NLRP3: variants seen among roughly 807,000 people sequenced by gnomAD.
The protein encoded by NLRP3 is NLR family pyrin domain containing 3.
Under a neutral mutation model 91.3 loss-of-function variants are expected in NLRP3, and 48 were observed. The observed-to-expected ratio is 0.53, with a 90% CI of 0.42 to 0.67. NLRP3 has a LOEUF of 0.67. NLRP3 is among the 30% of genes least tolerant of loss of function. The pLI is 0.00. For synonymous variants in NLRP3, 561 were observed against 507.9 expected (o/e 1.10, Z -1.41); for missense variants, 982 against 1,276.9 (o/e 0.77, Z 3.52).
At chr1:247,440,162 A>G (rs1309276177) in intron 7 of NLRP3, among the ~76,000 whole-genome samples, 1 of 151,946 alleles carries the variant, frequency 6.6e-6, no homozygotes, top group Non-Finnish European at 1.5e-5. Flanking sequence ...TTTTCTCTCG[A>G]ACTTTGGGTC....
intron 5 of NLRP3, among the ~76,000 whole-genome samples, chr1:247,430,237 C>G (rs1484716047): frequency 6.6e-6 from 1 of 152,190 alleles, no homozygotes; most frequent in Admixed American, 6.5e-5. Context: ...AACAAAAATT[C>G]ATTTTCTTGC....
intron 2 of NLRP3, among the ~76,000 whole-genome samples, chr1:247,419,401 C>T (rs1008674806): frequency 3.9e-5 from 6 of 151,964 alleles, no homozygotes; most frequent in Admixed American, 2.6e-4. Flanking sequence ...GTGATCCACC[C>T]GCCTCGGCCT....
At chr1:247,420,853 C>G (rs972677881) in intron 2 of NLRP3, among the ~76,000 whole-genome samples, 2 of 152,184 alleles carry the variant, frequency 1.3e-5, no homozygotes, top group African/African-American at 4.8e-5. Flanking sequence ...GTACCTACCC[C>G]CTGGGCACCT....
chr1:247,444,746 AT>A lies in NLRP3; in HGVS notation c.2931del (p.Asn977LysfsTer9), dbSNP rs751288681. On this transcript the variant is annotated frameshift_variant, in exon 9 of 10. Transcript: ENST00000336119. LOFTEE classifies it high-confidence loss of function. ...CTGCGAAAGCTGAGCCTGGGCAACA[AT>A]GACCTGGGCGACCTGGGGGTCATGA... ...QSLRKLSLGN[N>X]DLGDLGVMMF... 12 of 1,614,140 alleles carry A rather than the reference AT, an allele frequency of 7.4e-6. No individual in the cohort carries two copies. The highest frequency in any genetic ancestry group is 1.0e-5 in the Non-Finnish European group (12 of 1,180,026).
intron 7 of NLRP3, among the ~76,000 whole-genome samples, chr1:247,442,095 C>T (rs1457186960): frequency 6.6e-6 from 1 of 152,176 alleles, no homozygotes; most frequent in Non-Finnish European, 1.5e-5. Flanking sequence ...TAGTAGAAGC[C>T]ACTCAAAACT....
Position 247,424,214 on chromosome 1 carries a change from C to T in NLRP3, c.765C>T (p.Phe255=), listed in dbSNP as rs753671377. 4 of 1,614,080 alleles carry T rather than the reference C, an allele frequency of 2.5e-6. No individual in the cohort carries two copies. The East Asian group carries it at 8.9e-5, about 36-fold the overall frequency. Residue 255 remains phenylalanine, a synonymous_variant, in exon 4 of 10, where the codon TTC becomes TTT. Transcript: ENST00000336119. The surrounding 1 kb of genome is among the most constrained non-coding windows in gnomAD (Gnocchi z 8.1). Reference sequence around the variant, plus strand: ...ACCAAGACAGGTTTGACTATCTGTTCTATATCCACTGTCGAGAGGTGAGCC... The same window carrying T: ...ACCAAGACAGGTTTGACTATCTGTTTTATATCCACTGTCGAGAGGTGAGCC... ...TLYQDRFDYL[F]YIHCREVSLV...
At chr1:247,441,972 A>C (rs1306726715) in intron 7 of NLRP3, among the ~76,000 whole-genome samples, 1 of 152,234 alleles carries the variant, frequency 6.6e-6, no homozygotes, top group African/African-American at 2.4e-5. Flanking sequence ...CTCTTTGAAG[A>C]CCATCCCCAT....
Position 247,419,045 on chromosome 1 carries a change from A to G in NLRP3, c.245A>G (p.Tyr82Cys), listed in dbSNP as rs780791430. ...IFAAINRRDLYEKAKRDEPKW... is the reference protein window; with the variant it reads ...IFAAINRRDLCEKAKRDEPKW... ...GCTGCGATCAACAGGAGAGACCTTTATGAGAAAGCAAAAAGAGATGAGCCG... is the reference window on the plus strand; with the variant it reads ...GCTGCGATCAACAGGAGAGACCTTTGTGAGAAAGCAAAAAGAGATGAGCCG... Residue 82 changes from tyrosine to cysteine, a missense_variant, in exon 2 of 10, where the codon TAT becomes TGT. Tyr to Cys is a radical substitution (Grantham distance 194). Transcript: ENST00000336119. 6.2e-7 allele frequency: 1 copy of G among 1,612,898 alleles called. No individual in the cohort carries two copies. The highest frequency in any genetic ancestry group is 1.1e-5 in the South Asian group (1 of 91,078).
At chr1:247,428,348 T>C (rs1663058007) in intron 4 of NLRP3, among the ~76,000 whole-genome samples, 1 of 152,268 alleles carries the variant, frequency 6.6e-6, no homozygotes, top group Admixed American at 6.5e-5. Flanking sequence ...GCTTGCTTTG[T>C]ATGTTCCAGT....
chr1:247,441,127 TTC>T lies in NLRP3; in HGVS notation c.2664-2841_2664-2840del, dbSNP rs1212588479. On this transcript the variant is annotated intron_variant, in intron 7 of 9. Coordinates refer to ENST00000336119, the MANE Select transcript of NLRP3 (RefSeq NM_001243133.2). The stretch of plus-strand genomic sequence containing the variant: ...CTCCTTTCTTTCTCTCTTTTTCTTT[TTC>T]TCTTTCTTTCTTTCTTTCTCTCTCT... 2.4e-4 allele frequency among the ~76,000 whole-genome samples: 30 copies of T among 127,184 alleles called. No homozygotes were observed. In the East Asian group the frequency reaches 2.7e-3, roughly 11 times the overall value. 83.4% of individuals were successfully genotyped at this position (127,184 alleles called of 152,430 possible).
intron 8 of NLRP3, 85 bp downstream of exon 8, chr1:247,444,227 T>C (rs1341352310): frequency 7.4e-7 from 1 of 1,360,230 alleles, no homozygotes; most frequent in Non-Finnish European, 1.1e-6. Flanking sequence ...CACAAGATAA[T>C]CTGTATCTTA....
chr1:247,423,698 T>C, intron 3 of NLRP3, 149 bp from the exon 4 acceptor site: 1 of 772,810 alleles, frequency 1.3e-6, no homozygotes, highest in South Asian at 1.5e-5. Context: ...CCAGAGATTC[T>C]CGGCACCTTT....
At position 247,436,151 on chromosome 1, in the gene NLRP3, A is replaced by C. The variant is rs1326996477; in HGVS notation, c.2663+11A>C. On this transcript the variant is annotated intron_variant, in intron 7 of 9. Transcript: ENST00000336119. Reference sequence around the variant, plus strand: ...CCTGCAGAAACTGGGGTAAGTCTTCATGGGTGTCTTACCAGAAAAGTAACT... The same window carrying C: ...CCTGCAGAAACTGGGGTAAGTCTTCCTGGGTGTCTTACCAGAAAAGTAACT... 2.5e-6 allele frequency: 4 copies of C among 1,613,840 alleles called. No homozygotes were observed. The highest frequency in any genetic ancestry group is 2.2e-5 in the South Asian group (2 of 91,064).
intron 9 of NLRP3, among the ~76,000 whole-genome samples, chr1:247,447,763 T>A (rs954180836): frequency 3.2e-4 from 49 of 152,340 alleles, no homozygotes; most frequent in African/African-American, 1.2e-3. Context: ...AGTGACATTG[T>A]AATTATATTT....
At position 247,424,413 on chromosome 1, in the gene NLRP3, A is replaced by G. The variant is rs1662708025; in HGVS notation, c.964A>G (p.Lys322Glu). The G allele has an allele frequency of 3.1e-6, 5 of 1,614,180 alleles. No homozygotes were observed. The East Asian group carries it at 1.1e-4, about 36-fold the overall frequency. Residue 322 changes from lysine (K) to glutamate (E), a missense_variant, in exon 4 of 10, where the codon AAG (lysine) becomes GAG (glutamate). By Grantham distance (56) the Lys-to-Glu change is moderately conservative. Transcript: ENST00000336119. The surrounding 1 kb of genome is among the most constrained non-coding windows in gnomAD (Gnocchi z 8.1). The stretch of plus-strand genomic sequence containing the variant: ...AGGACCGCTCTGCACTGACTGGCAG[A>G]AGGCCGAGCGGGGAGACATTCTCCT... ...HIGPLCTDWQ[K>E]AERGDILLSS...
At chr1:247,430,062 G>T (rs1663195906) in intron 5 of NLRP3, among the ~76,000 whole-genome samples, 1 of 151,986 alleles carries the variant, frequency 6.6e-6, no homozygotes, top group Admixed American at 6.6e-5. Context: ...TTTTAGTAGA[G>T]ATGGGGTTTC....
chr1:247,440,794 C>T (rs1041128776), intron 7 of NLRP3, among the ~76,000 whole-genome samples: 7 of 152,134 alleles, frequency 4.6e-5, no homozygotes, highest in Admixed American at 2.6e-4. Flanking sequence ...AGTTTTGAAA[C>T]ATCTTGGTGG....
intron 3 of NLRP3, 48 bp from the exon 4 acceptor site, chr1:247,423,799 A>G (rs751898622): frequency 2.6e-6 from 4 of 1,546,960 alleles, no homozygotes; most frequent in South Asian, 2.3e-5. Context: ...AGCGCATCTC[A>G]GGTGGATGTG....
chr1:247,424,515 C>A lies in NLRP3; in HGVS notation c.1066C>A (p.Leu356Met). Residue 356 changes from leucine (L) to methionine (M), a missense_variant, in exon 4 of 10, where the codon CTG becomes ATG. Leu to Met is a conservative substitution (Grantham distance 15). Coordinates refer to ENST00000336119, the MANE Select transcript of NLRP3 (RefSeq NM_001243133.2). The surrounding 1 kb of genome is among the most constrained non-coding windows in gnomAD (Gnocchi z 8.1). ...CACGAGACCTGTGGCCCTGGAGAAA[C>A]TGCAGCACTTGCTGGACCATCCTCG... ...ITTRPVALEK[L>M]QHLLDHPRHV... 6.2e-7 allele frequency: 1 copy of A among 1,614,194 alleles called. No individual in the cohort carries two copies. The highest frequency in any genetic ancestry group is 8.5e-7 in the Non-Finnish European group (1 of 1,180,046).
Sources: allele counts gnomAD v4.1 joint callset (sites outside exome capture counted in the v4.1 genomes callset), GRCh38; gene constraint gnomAD v4.1.1; non-coding constraint Gnocchi (gnomAD v3.1); transcripts MANE v1.5; gene names NCBI Gene and HGNC (gene_info 2026-07-23, HGNC 2026-07-21).